GON4L: variants seen among roughly 807,000 people sequenced by gnomAD.
GON4L encodes GON-4-like protein.
In GON4L, 87 loss-of-function variants were observed where a neutral mutation model predicts 211.8. The ratio of observed to expected loss-of-function variants is 0.41; its 90% CI spans 0.35 to 0.49. The LOEUF (loss-of-function observed/expected upper bound fraction) is 0.49. Among genes scored for constraint, GON4L ranks in the 20% least tolerant of loss-of-function variants. GON4L has a pLI of 0.15. For missense variants in GON4L, 2,155 were observed against 2,659.5 expected (o/e 0.81, Z 4.17); for synonymous variants, 875 against 962.6 (o/e 0.91, Z 1.68).
intron 2 of GON4L, chr1:155,846,656 A>C (rs1384073824): frequency 6.6e-6 from 1 of 152,142 alleles, no homozygotes; most frequent in South Asian, 2.1e-4. Context: ...TGTAAACTAA[A>C]ATCTTATAAA....
chr1:155,784,232 C>T (rs1664705040), intron 13 of GON4L, 143 bp from the exon 14 acceptor site: 1 of 1,170,422 alleles, frequency 8.5e-7, no homozygotes, highest in Non-Finnish European at 1.2e-6. Context: ...AGAACTTTCT[C>T]ACTTCAGGAT....
intron 12 of GON4L, among the ~76,000 whole-genome samples, chr1:155,788,456 G>A (rs771910762): frequency 1.4e-4 from 21 of 152,162 alleles, no homozygotes; most frequent in Non-Finnish European, 2.2e-4. Flanking sequence ...GCTGACCCAA[G>A]ATAAATGAAA....
chr1:155,827,859 T>TTAGGC (rs994083538), intron 2 of GON4L, among the ~76,000 whole-genome samples: 1 of 151,744 alleles, frequency 6.6e-6, no homozygotes, highest in Non-Finnish European at 1.5e-5. Context: ...AAATAAAAAA[T>TTAGGC]TAGGCTAGGC....
intron 19 of GON4L, among the ~76,000 whole-genome samples, chr1:155,769,969 C>T (rs1390468115): frequency 7.4e-6 from 1 of 135,572 alleles, no homozygotes; most frequent in African/African-American, 2.8e-5. Flanking sequence ...CAGGAGAATG[C>T]CTAAGGCCAA....
intron 11 of GON4L, among the ~76,000 whole-genome samples, chr1:155,803,979 A>C (rs148448142): frequency 4.1e-4 from 62 of 152,284 alleles, no homozygotes; most frequent in Admixed American, 1.0e-3. Context: ...GTCTGGTTTC[A>C]TTTCACCCCA....
At chr1:155,782,763 G>A (rs1490210311) in intron 14 of GON4L, among the ~76,000 whole-genome samples, 1 of 152,034 alleles carries the variant, frequency 6.6e-6, no homozygotes, top group African/African-American at 2.4e-5. Flanking sequence ...GGGTTCAAGT[G>A]AGTATCCTGC....
At chr1:155,789,886 G>C (rs1229894001) in intron 12 of GON4L, among the ~76,000 whole-genome samples, 1 of 152,028 alleles carries the variant, frequency 6.6e-6, no homozygotes, top group African/African-American at 2.4e-5. Flanking sequence ...CTTATCTCTA[G>C]ATTACTTATC....
intron 2 of GON4L, among the ~76,000 whole-genome samples, chr1:155,838,138 A>G (rs1211114250): frequency 2.6e-5 from 4 of 152,064 alleles, no homozygotes; most frequent in Non-Finnish European, 4.4e-5. Flanking sequence ...GCACACACTT[A>G]TAGTCCCAGC....
At chr1:155,769,471 A>G (rs1027493739) in intron 19 of GON4L, among the ~76,000 whole-genome samples, 3 of 152,168 alleles carry the variant, frequency 2.0e-5, no homozygotes, top group African/African-American at 7.2e-5. Context: ...AAGCCCAGAG[A>G]GCAACACGCT....
At chr1:155,809,976 T>TTATA (rs1206243290) in intron 10 of GON4L, among the ~76,000 whole-genome samples, 1 of 77,924 alleles carries the variant, frequency 1.3e-5, no homozygotes, top group African/African-American at 4.7e-5. Flanking sequence ...TAATTATAAA[T>TTATA]TATATATATA....
chr1:155,774,307 ATTTTTTT>A (rs59844793), intron 17 of GON4L, among the ~76,000 whole-genome samples: 1 of 107,422 alleles, frequency 9.3e-6, no homozygotes, highest in African/African-American at 3.2e-5. Context: ...AAGTTAGTTG[ATTTTTTT>A]TTTTTTTTTT....
At chr1:155,847,431 C>T (rs138423978) in intron 2 of GON4L, among the ~76,000 whole-genome samples, 29 of 152,160 alleles carry the variant, frequency 1.9e-4, no homozygotes, top group African/African-American at 5.3e-4. Context: ...AAGCCAGGTG[C>T]AGTGACTCAA....
chr1:155,746,910 C>A, downstream of GON4L: 1 of 1,597,380 alleles, frequency 6.3e-7, no homozygotes, highest in East Asian at 2.2e-5. Flanking sequence ...CCCGGTGCCA[C>A]AACCTGAGGG....
rs1008026344 is a variant in GON4L at position 155,750,359 on chromosome 1, T to G, written c.*225A>C. The G allele has an allele frequency of 1.1e-5, 7 of 661,818 alleles. No individual in the cohort carries two copies. Among genetic ancestry groups the G allele is most frequent in the Non-Finnish European group, 1.8e-5 (7 of 380,950 alleles). The allele number at this position is 661,818 out of a possible 1,614,324, so 41.0% of individuals were successfully genotyped here. A position where few individuals can be genotyped will look rare whatever the true frequency, so the allele number is the denominator to read the frequency against. On this transcript the variant is annotated 3_prime_UTR_variant, in exon 32 of 32. Coordinates refer to ENST00000368331, the MANE Select transcript of GON4L (RefSeq NM_001282860.2). ...AGCTGAACTCCACTCTCGATGCTAT[T>G]TACAGAGGACATCTGTAAAGTCTTC...
chr1:155,807,497 A>C (rs1440830927), intron 10 of GON4L, among the ~76,000 whole-genome samples: 1 of 151,974 alleles, frequency 6.6e-6, no homozygotes, highest in Non-Finnish European at 1.5e-5. Flanking sequence ...ACGAGGTCAG[A>C]AGATCAAGAA....
At chr1:155,830,522 C>G (rs1367710092) in intron 2 of GON4L, among the ~76,000 whole-genome samples, 2 of 151,726 alleles carry the variant, frequency 1.3e-5, no homozygotes, top group Non-Finnish European at 2.9e-5. Flanking sequence ...GGTGATCCGC[C>G]CACCTCTGCC....
At chr1:155,826,727 AATTTGTAAAAAT>A (rs1437435752) in intron 3 of GON4L, 98 bp downstream of exon 3, 1 of 758,768 alleles carries the variant, frequency 1.3e-6, no homozygotes, top group African/African-American at 1.8e-5. Context: ...GGGTGTATTA[AATTTGTAAAAAT>A]ATAGTGAATT....
chr1:155,812,448 C>T (rs1667871542), intron 10 of GON4L, among the ~76,000 whole-genome samples: 1 of 151,792 alleles, frequency 6.6e-6, no homozygotes, highest in Admixed American at 6.6e-5. Flanking sequence ...GGGTTGAATG[C>T]TGAATAGGGA....
intron 31 of GON4L, 44 bp downstream of exon 31, chr1:155,751,723 C>T: frequency 7.8e-7 from 1 of 1,287,792 alleles, no homozygotes; most frequent in Non-Finnish European, 1.1e-6. Context: ...TAGTTGGCCA[C>T]CTTGACCTCT....
Sources: gnomAD v4.1 joint callset for allele counts (sites outside exome capture counted in the v4.1 genomes callset) on GRCh38, gnomAD v4.1.1 for gene constraint, MANE v1.5 for transcripts, NCBI Gene and HGNC (gene_info 2026-07-23, HGNC 2026-07-21) for gene names.